NCOR2: variants seen among roughly 807,000 people sequenced by gnomAD.
NCOR2 encodes the protein nuclear receptor corepressor 2.
Under a neutral mutation model 262.9 loss-of-function variants are expected in NCOR2, and 81 were observed. The observed-to-expected ratio is 0.31, with a 90% CI of 0.26 to 0.37. NCOR2 has a LOEUF of 0.37. Among genes scored for constraint, NCOR2 ranks in the 10% least tolerant of loss-of-function variants. NCOR2 has a pLI of 1.00. For missense variants in NCOR2, 3,385 were observed against 3,621.4 expected, an observed-to-expected ratio of 0.93 and a Z score of 1.68; for synonymous variants, 1,659 against 1,559.3, an observed-to-expected ratio of 1.06 and a Z score of -1.51.
chr12:124,499,888 G>A (rs1200420074), upstream of NCOR2, among the ~76,000 whole-genome samples: 1 of 152,098 alleles, frequency 6.6e-6, no homozygotes, highest in African/African-American at 2.4e-5. Flanking sequence ...TCCAAGAGAG[G>A]GGACACTGGG....
At chr12:124,556,895 G>A (rs1007196664) in intron 1 of NCOR2, among the ~76,000 whole-genome samples, 2 of 152,060 alleles carry the variant, frequency 1.3e-5, no homozygotes, top group East Asian at 1.9e-4. Context: ...GGAATGAGAC[G>A]AGGCCTGCGG....
chr12:124,445,395 G>A (rs544489402), intron 7 of NCOR2, among the ~76,000 whole-genome samples: 9 of 152,338 alleles, frequency 5.9e-5, no homozygotes, highest in Non-Finnish European at 1.0e-4. Flanking sequence ...AGCAGCGCCC[G>A]AAGCAGGTGG....
At chr12:124,540,484 GA>G (rs1566039843), upstream of NCOR2, among the ~76,000 whole-genome samples, 1 of 13,002 alleles carries the variant, frequency 7.7e-5, no homozygotes, top group African/African-American at 4.7e-4. Flanking sequence ...GGGGGATGGG[GA>G]GTGGAGCTGG....
chr12:124,384,210 G>A (rs754830803), intron 17 of NCOR2, among the ~76,000 whole-genome samples: 3 of 152,210 alleles, frequency 2.0e-5, no homozygotes, highest in South Asian at 2.1e-4. Flanking sequence ...AACATCCCCC[G>A]GCCCAGGCCC....
chr12:124,564,670 C>CGGCTG (rs2052176505), intron 1 of NCOR2, among the ~76,000 whole-genome samples: 1 of 151,956 alleles, frequency 6.6e-6, no homozygotes. Flanking sequence ...GAGAACCCTC[C>CGGCTG]GGCTGGGTTC....
chr12:124,363,067 T>C (rs2038741992), intron 21 of NCOR2, among the ~76,000 whole-genome samples: 1 of 152,250 alleles, frequency 6.6e-6, no homozygotes, highest in Admixed American at 6.5e-5. Flanking sequence ...ACCCAAATCC[T>C]CTGGGTCTCA....
At chr12:124,327,341 G>A (rs886894921) in intron 45 of NCOR2, 68 bp downstream of exon 47, 336 of 1,260,708 alleles carry the variant, frequency 2.7e-4, no homozygotes, top group Middle Eastern at 1.1e-3. Flanking sequence ...AGAGGAGCGC[G>A]GAGGAGCGAG....
At chr12:124,546,801 T>TC (rs973022321) in intron 1 of NCOR2, among the ~76,000 whole-genome samples, 1 of 152,038 alleles carries the variant, frequency 6.6e-6, no homozygotes, top group African/African-American at 2.4e-5. Flanking sequence ...ACATGACCCC[T>TC]CCCTCTGCCC....
At chr12:124,377,303 C>G (rs1565889697) in intron 18 of NCOR2, among the ~76,000 whole-genome samples, 2 of 152,118 alleles carry the variant, frequency 1.3e-5, no homozygotes, top group African/African-American at 4.8e-5. Flanking sequence ...ACAGCTGGTG[C>G]AAACAACACA....
At chr12:124,464,448 C>T (rs1160123752) in intron 5 of NCOR2, among the ~76,000 whole-genome samples, 3 of 152,246 alleles carry the variant, frequency 2.0e-5, no homozygotes, top group Non-Finnish European at 4.4e-5. Flanking sequence ...AATCTTGGCT[C>T]CAAGTCCCAG....
intron 15 of NCOR2, among the ~76,000 whole-genome samples, chr12:124,399,884 G>A (rs2041904738): frequency 6.6e-6 from 1 of 152,130 alleles, no homozygotes; most frequent in Non-Finnish European, 1.5e-5. Flanking sequence ...TCTACTTTCT[G>A]GGAGGGTAGT....
chr12:124,400,140 T>C (rs1391036119), intron 15 of NCOR2, among the ~76,000 whole-genome samples: 3 of 152,200 alleles, frequency 2.0e-5, no homozygotes, highest in African/African-American at 7.2e-5. Context: ...TGGGAATTTT[T>C]TGTGACATCT....
At chr12:124,357,794 G>A (rs370221675) in intron 22 of NCOR2, among the ~76,000 whole-genome samples, 7 of 151,468 alleles carry the variant, frequency 4.6e-5, no homozygotes, top group East Asian at 1.9e-4. Context: ...AACCTGTGAT[G>A]TGTGTGTGTG....
In NCOR2 at chr12:124,487,202, G is replaced by A. The variant is rs552304333; in HGVS notation, c.106-634C>T. 1.3e-3 allele frequency among the ~76,000 whole-genome samples: 200 copies of A among 152,330 alleles called. 1 individual carries two copies. The highest frequency in any genetic ancestry group is 2.1e-3 in the Non-Finnish European group (144 of 68,026). ...GGCAGGGTGGGTAAGTGATGCCCAC[G>A]CGAGGGAACGAGGCTCGGGCCTCAC... is the stretch of plus-strand genomic sequence containing the variant. On this transcript the variant is annotated intron_variant, in intron 1 of 46. Coordinates refer to ENST00000405201, the Ensembl canonical transcript of NCOR2.
intron 9 of NCOR2, 99 bp from the exon 12 acceptor site, chr12:124,429,805 G>A (rs1306512696): frequency 2.0e-5 from 24 of 1,177,714 alleles, no homozygotes; most frequent in East Asian, 5.2e-5. Flanking sequence ...CTCCCCAGAG[G>A]AGAAGTGTGG....
chr12:124,452,238 G>T (rs904440082), intron 6 of NCOR2, among the ~76,000 whole-genome samples: 2 of 152,230 alleles, frequency 1.3e-5, no homozygotes, highest in Non-Finnish European at 2.9e-5. Flanking sequence ...CAGAGGGTGC[G>T]AATCCTCGTC....
chr12:124,509,571 C>T (rs979256174), intron 1 of NCOR2, among the ~76,000 whole-genome samples: 4 of 152,182 alleles, frequency 2.6e-5, no homozygotes, highest in African/African-American at 9.7e-5. Context: ...CTCTTCCACC[C>T]GCTAGGTCCC....
At chr12:124,350,013 C>T (rs936626716) in intron 28 of NCOR2, among the ~76,000 whole-genome samples, 8 of 152,182 alleles carry the variant, frequency 5.3e-5, no homozygotes, top group Non-Finnish European at 1.0e-4. Flanking sequence ...GAGGCAATTC[C>T]GGGCCTCGCA....
intron 12 of NCOR2, among the ~76,000 whole-genome samples, chr12:124,421,657 G>A (rs2043209457): frequency 6.6e-6 from 1 of 152,228 alleles, no homozygotes; most frequent in South Asian, 2.1e-4. Flanking sequence ...AGCTGGGGTG[G>A]GCAGGTCCCC....
Sources: gnomAD v4.1 joint callset for allele counts (sites outside exome capture counted in the v4.1 genomes callset) on GRCh38, gnomAD v4.1.1 for gene constraint, MANE v1.5 for transcripts, NCBI Gene and HGNC (gene_info 2026-07-23, HGNC 2026-07-21) for gene names.